The following ALS2 variants were observed in gnomAD, a reference collection of about 807,000 sequenced individuals.
ALS2 encodes alsin Rho guanine nucleotide exchange factor ALS2.
Under a neutral mutation model 203.4 loss-of-function variants are expected in ALS2, and 117 were observed. That is an observed-to-expected ratio of 0.58 (90% confidence interval 0.50 to 0.67). The LOEUF is 0.67. Ranked by LOEUF, ALS2 falls within the 30% of genes least tolerant of loss-of-function variation. The pLI, the probability that ALS2 is intolerant of heterozygous loss-of-function variation, is 0.00. For missense variants in ALS2, 1,715 were observed against 1,989.4 expected (o/e 0.86, Z 2.62); for synonymous variants, 718 against 725.9 (o/e 0.99, Z 0.17).
rs778874465 is a variant in ALS2 at position 201,723,126 on chromosome 2, A to G, written c.3625-6T>C. The G allele has an allele frequency of 1.2e-6, 2 of 1,607,952 alleles. No individual in the cohort carries two copies. The highest frequency in any genetic ancestry group is 1.7e-5 in the Admixed American group (1 of 60,012). Reference sequence around the variant, plus strand: ...GAAAGCAAAACCCCATTTCCCTACAAGAAGAAACAAGAGAAAAATTACAAC... The same window carrying G: ...GAAAGCAAAACCCCATTTCCCTACAGGAAGAAACAAGAGAAAAATTACAAC... On this transcript the variant is annotated splice_region_variant and splice_polypyrimidine_tract_variant and intron_variant, in intron 22 of 33. Transcript: ENST00000264276.
intron 16 of ALS2, 75 bp downstream of exon 16, chr2:201,727,630 T>C (rs530636716): frequency 1.2e-5 from 16 of 1,357,390 alleles, no homozygotes; most frequent in Non-Finnish European, 1.5e-5. Context: ...CTTCCTGAGC[T>C]TTTTTTCACA....
intron 33 of ALS2, 75 bp from the exon 34 acceptor site, chr2:201,701,964 T>G: frequency 7.4e-7 from 1 of 1,347,182 alleles, no homozygotes; most frequent in Non-Finnish European, 1.1e-6. Context: ...CATATGGGAC[T>G]AAAGAAACAA....
At chr2:201,710,891 A>T in intron 26 of ALS2, 100 bp downstream of exon 26, 1 of 792,546 alleles carries the variant, frequency 1.3e-6, no homozygotes. Context: ...ATGCAAAAAC[A>T]GGATTAGAAT....
At chr2:201,704,054 C>A (rs991547302) in intron 33 of ALS2, 68 bp downstream of exon 33, 2 of 1,396,392 alleles carry the variant, frequency 1.4e-6, no homozygotes, top group Non-Finnish European at 2.0e-6. Context: ...TGGTTAATGG[C>A]ATTTATAATA....
Position 201,768,900 on chromosome 2 carries a change from A to G in ALS2, c.-15T>C, listed in dbSNP as rs369499046. The G allele has an allele frequency of 6.2e-7, 1 of 1,612,834 alleles. No individual in the cohort carries two copies. Among genetic ancestry groups the G allele is most frequent in the African/African-American group, 1.3e-5 (1 of 74,802 alleles). On this transcript the variant is annotated 5_prime_UTR_variant, in exon 2 of 34. Coordinates refer to ENST00000264276, the MANE Select transcript of ALS2 (RefSeq NM_020919.4). ...TTTGAGTCCATCGGTCAGTGGGAAC[A>G]CTCCATCACCAAATCATTCCTTCTT...
chr2:201,711,486 G>A (rs890391586), intron 25 of ALS2, among the ~76,000 whole-genome samples: 3 of 152,158 alleles, frequency 2.0e-5, no homozygotes, highest in Non-Finnish European at 2.9e-5. Context: ...TGATAGACCC[G>A]TTGGTGACAA....
chr2:201,772,408 A>G (rs1022337582), intron 1 of ALS2, among the ~76,000 whole-genome samples: 15 of 152,234 alleles, frequency 9.9e-5, no homozygotes, highest in Non-Finnish European at 1.6e-4. Flanking sequence ...AGTTTTTTCA[A>G]TAACACTTTT....
chr2:201,728,484 T>C (rs1691337768), intron 15 of ALS2, 28 bp downstream of exon 15: 2 of 1,613,826 alleles, frequency 1.2e-6, no homozygotes, highest in Admixed American at 3.3e-5. Flanking sequence ...CTTTCAGGAA[T>C]TCTTTTAAGG....
At chr2:201,730,814 A>G (rs1691507949) in intron 13 of ALS2, among the ~76,000 whole-genome samples, 1 of 152,248 alleles carries the variant, frequency 6.6e-6, no homozygotes, top group Admixed American at 6.5e-5. Flanking sequence ...CTGCAACTGC[A>G]TGGCAGTGAA....
chr2:201,724,512 C>A, intron 20 of ALS2, 53 bp from the exon 21 acceptor site: 1 of 1,585,146 alleles, frequency 6.3e-7, no homozygotes, highest in South Asian at 1.1e-5. Flanking sequence ...TTCTGATGCT[C>A]ATTTTTACAA....
intron 3 of ALS2, among the ~76,000 whole-genome samples, chr2:201,764,223 A>G (rs1693937558): frequency 6.6e-6 from 1 of 152,202 alleles, no homozygotes; most frequent in Non-Finnish European, 1.5e-5. Context: ...TACTTGAAAA[A>G]GCTCACCAAG....
intron 8 of ALS2, among the ~76,000 whole-genome samples, chr2:201,747,929 C>G (rs1234288798): frequency 6.6e-6 from 1 of 152,176 alleles, no homozygotes; most frequent in African/African-American, 2.4e-5. Flanking sequence ...CAAAGTAGTT[C>G]CTCATTTGTG....
At chr2:201,729,963 T>C (rs1022250691) in intron 13 of ALS2, among the ~76,000 whole-genome samples, 4 of 151,986 alleles carry the variant, frequency 2.6e-5, no homozygotes, top group Admixed American at 6.6e-5. Context: ...CTTTATTATC[T>C]GGCTTTAAAA....
rs773216890 is a variant in ALS2 at position 201,726,648 on chromosome 2, T to C, written c.3182+16A>G. Reference sequence around the variant, plus strand: ...TGATCATCCTCACCCCAGGCATAAATCTTCAACATTTTCACCTGCCATGAG... The same window carrying C: ...TGATCATCCTCACCCCAGGCATAAACCTTCAACATTTTCACCTGCCATGAG... On this transcript the variant is annotated intron_variant, in intron 18 of 33. Transcript: ENST00000264276. 6.2e-7 allele frequency: 1 copy of C among 1,613,690 alleles called. No individual in the cohort carries two copies. Among genetic ancestry groups the C allele is most frequent in the Non-Finnish European group, 8.5e-7 (1 of 1,179,576 alleles).
chr2:201,761,915 A>C, intron 3 of ALS2, 97 bp from the exon 4 acceptor site: 1 of 1,325,012 alleles, frequency 7.5e-7, no homozygotes, highest in South Asian at 1.3e-5. Flanking sequence ...GATTTAACCA[A>C]ATTGGATTTT....
chr2:201,755,174 T>C (rs1693302532), intron 5 of ALS2, among the ~76,000 whole-genome samples: 2 of 152,202 alleles, frequency 1.3e-5, no homozygotes, highest in Admixed American at 1.3e-4. Flanking sequence ...AAGGATTCCT[T>C]GAGCACAGGA....
At chr2:201,751,553 A>G (rs890431685) in intron 7 of ALS2, among the ~76,000 whole-genome samples, 1 of 152,234 alleles carries the variant, frequency 6.6e-6, no homozygotes, top group Non-Finnish European at 1.5e-5. Context: ...TCCTTTATAT[A>G]TAAGTGCAGC....
chr2:201,758,919 T>C (rs114302700), intron 4 of ALS2, among the ~76,000 whole-genome samples: 6 of 152,120 alleles, frequency 3.9e-5, no homozygotes, highest in African/African-American at 7.2e-5. Context: ...GCTATTTCCA[T>C]GCAAATTAGT....
intron 1 of ALS2, among the ~76,000 whole-genome samples, chr2:201,779,529 T>G (rs1694804339): frequency 6.6e-6 from 1 of 152,216 alleles, no homozygotes; most frequent in African/African-American, 2.4e-5. Context: ...AAATATTCAG[T>G]TCCCTTCCCC....
Sources: allele counts gnomAD v4.1 joint callset (sites outside exome capture counted in the v4.1 genomes callset), GRCh38; gene constraint gnomAD v4.1.1; transcripts MANE v1.5; gene names NCBI Gene and HGNC (gene_info 2026-07-23, HGNC 2026-07-21).